Variants in RNLS observed in about 807,000 individuals in gnomAD.
RNLS encodes the protein renalase.
RNLS carries 39 observed loss-of-function variants against 39.8 expected under a neutral mutation model. The ratio of observed to expected loss-of-function variants is 0.98; its 90% CI spans 0.76 to 1.28. The LOEUF is 1.28. Among genes scored for constraint, RNLS ranks in the 50% most tolerant of loss-of-function variants. The pLI is 0.00. For missense variants in RNLS, 410 were observed against 413.3 expected (o/e 0.99, Z 0.07); for synonymous variants, 147 against 150.7 (o/e 0.98, Z 0.18).
chr10:88,413,308 A>G (rs1853808410), intron 4 of RNLS, among the ~76,000 whole-genome samples: 1 of 152,104 alleles, frequency 6.6e-6, no homozygotes. Context: ...TTCATTTATC[A>G]CATGTGCAAA....
chr10:88,282,513 ACACACACACACACG>A (rs1843054836), downstream of RNLS, among the ~76,000 whole-genome samples: 2 of 146,028 alleles, frequency 1.4e-5, no homozygotes, highest in South Asian at 4.5e-4. Flanking sequence ...ACACACACAC[ACACACACACACACG>A]CTTGGATGAG....
At chr10:88,249,620 G>T in the RNLS span, among the ~76,000 whole-genome samples, 2 of 152,156 alleles carry the variant, frequency 1.3e-5, no homozygotes, top group Non-Finnish European at 2.9e-5. Flanking sequence ...TGGTGCCTGG[G>T]CTGGGATGAC....
At chr10:88,450,505 T>C (rs1842302933) in intron 4 of RNLS, among the ~76,000 whole-genome samples, 1 of 152,074 alleles carries the variant, frequency 6.6e-6, no homozygotes, top group Admixed American at 6.5e-5. Context: ...GGAAGGTCCA[T>C]AAGTACTGAG....
chr10:88,171,622 T>C, the RNLS span, among the ~76,000 whole-genome samples: 1 of 152,254 alleles, frequency 6.6e-6, no homozygotes, highest in African/African-American at 2.4e-5. Context: ...TATAGTTCAA[T>C]ACATGTATAT....
At position 88,439,167 on chromosome 10, in the gene RNLS, A is replaced by T. The variant is rs554879334; in HGVS notation, c.527-76442T>A. 1.4e-3 allele frequency among the ~76,000 whole-genome samples: 207 copies of T among 151,882 alleles called. 1 individual carries two copies. The highest frequency in any genetic ancestry group is 4.8e-3 in the African/African-American group (198 of 41,396). ...TTAAAAGCACAACACTAAACTCAAGACTCTTTTCAGTCATAAAAGATTAGA... is the reference window on the plus strand; with the variant it reads ...TTAAAAGCACAACACTAAACTCAAGTCTCTTTTCAGTCATAAAAGATTAGA... On this transcript the variant is annotated intron_variant, in intron 4 of 6. Coordinates refer to ENST00000331772, the MANE Select transcript of RNLS (RefSeq NM_001031709.3).
At chr10:88,476,746 G>C (rs1843844097) in intron 4 of RNLS, among the ~76,000 whole-genome samples, 1 of 152,048 alleles carries the variant, frequency 6.6e-6, no homozygotes, top group Non-Finnish European at 1.5e-5. Flanking sequence ...TAAAACAATG[G>C]TCAAATTCTT....
chr10:88,297,789 T>C (rs1193675702), intron 6 of RNLS, among the ~76,000 whole-genome samples: 1 of 152,230 alleles, frequency 6.6e-6, no homozygotes, highest in South Asian at 2.1e-4. Context: ...TGTGTTGTTG[T>C]GAACATTTGT....
At chr10:88,189,904 G>A in the RNLS span, among the ~76,000 whole-genome samples, 1 of 152,176 alleles carries the variant, frequency 6.6e-6, no homozygotes. Context: ...TTAATCAAGG[G>A]TGGCCAGCAT....
chr10:88,420,943 G>T (rs1387077722), intron 4 of RNLS, among the ~76,000 whole-genome samples: 1 of 152,220 alleles, frequency 6.6e-6, no homozygotes, highest in East Asian at 1.9e-4. Flanking sequence ...AATAGAGAGG[G>T]CCCAAAGGGC....
chr10:88,377,346 A>G (rs1851096177), intron 4 of RNLS, among the ~76,000 whole-genome samples: 1 of 152,176 alleles, frequency 6.6e-6, no homozygotes, highest in African/African-American at 2.4e-5. Flanking sequence ...CTACAGGGAA[A>G]AAATGCAATT....
At chr10:88,300,471 G>C (rs1409591053) in intron 6 of RNLS, among the ~76,000 whole-genome samples, 1 of 152,138 alleles carries the variant, frequency 6.6e-6, no homozygotes, top group East Asian at 1.9e-4. Context: ...TGTGTTCTTG[G>C]AACACTGCTC....
At chr10:88,206,312 CAT>C in the RNLS span, among the ~76,000 whole-genome samples, 3 of 152,132 alleles carry the variant, frequency 2.0e-5, no homozygotes, top group East Asian at 1.9e-4. Context: ...TTTCCTGCAT[CAT>C]GTGTGGATTT....
At chr10:88,174,081 A>G in the RNLS span, among the ~76,000 whole-genome samples, 1 of 152,052 alleles carries the variant, frequency 6.6e-6, no homozygotes, top group Admixed American at 6.5e-5. Context: ...AGCATTACCA[A>G]TTTTTGTAAG....
chr10:88,349,061 G>A (rs1452408577), intron 5 of RNLS, among the ~76,000 whole-genome samples: 1 of 152,048 alleles, frequency 6.6e-6, no homozygotes, highest in Non-Finnish European at 1.5e-5. Flanking sequence ...GGAGTCCTCA[G>A]TTCTTAGCAC....
At chr10:88,195,187 T>C in the RNLS span, among the ~76,000 whole-genome samples, 8 of 152,214 alleles carry the variant, frequency 5.3e-5, no homozygotes, top group African/African-American at 1.9e-4. Context: ...AAAGGAAAAG[T>C]AAAAAGGAAA....
At chr10:88,567,707 A>C (rs1431458659) in intron 4 of RNLS, among the ~76,000 whole-genome samples, 1 of 152,188 alleles carries the variant, frequency 6.6e-6, no homozygotes, top group East Asian at 1.9e-4. Flanking sequence ...TTATTATCAC[A>C]CACTGTACTA....
intron 4 of RNLS, among the ~76,000 whole-genome samples, chr10:88,457,928 G>T (rs1842728287): frequency 6.6e-6 from 1 of 152,154 alleles, no homozygotes; most frequent in Admixed American, 6.5e-5. Context: ...GTCCTACCTT[G>T]GAAACATGAG....
chr10:88,377,928 GA>G (rs1851151224), intron 4 of RNLS, among the ~76,000 whole-genome samples: 1 of 151,742 alleles, frequency 6.6e-6, no homozygotes, highest in African/African-American at 2.4e-5. Context: ...ATAGCTGTAC[GA>G]AAATATTTTC....
intron 4 of RNLS, among the ~76,000 whole-genome samples, chr10:88,480,892 A>G (rs903147697): frequency 6.6e-5 from 10 of 152,062 alleles, no homozygotes; most frequent in African/African-American, 2.4e-4. Flanking sequence ...GACTAGTGAC[A>G]ACCAAATATT....
Sources: allele counts gnomAD v4.1 joint callset (sites outside exome capture counted in the v4.1 genomes callset), GRCh38; gene constraint gnomAD v4.1.1; transcripts MANE v1.5; gene names NCBI Gene and HGNC (gene_info 2026-07-23, HGNC 2026-07-21).